Variants in SASH1 observed in about 807,000 individuals in gnomAD.
SASH1 encodes SAM and SH3 domain-containing protein 1.
Under a neutral mutation model 125.2 loss-of-function variants are expected in SASH1, and 44 were observed. The ratio of observed to expected loss-of-function variants is 0.35; its 90% CI spans 0.28 to 0.45. The LOEUF is 0.45. Ranked by LOEUF, SASH1 falls within the 20% of genes least tolerant of loss-of-function variation. The pLI is 1.00. For synonymous variants in SASH1, 639 were observed against 649.1 expected (o/e 0.98, Z 0.24); for missense variants, 1,426 against 1,614.5 (o/e 0.88, Z 2.00).
At chr6:148,421,207 AAGAAAGAAAAAG>A (rs1785083441) in intron 2 of SASH1, among the ~76,000 whole-genome samples, 2 of 139,098 alleles carry the variant, frequency 1.4e-5, no homozygotes, top group Non-Finnish European at 3.3e-5. Context: ...GAAAGAAAGA[AAGAAAGAAAAAG>A]AAAGAAAGAA....
chr6:148,194,861 G>A, the SASH1 span, among the ~76,000 whole-genome samples: 11 of 152,290 alleles, frequency 7.2e-5, no homozygotes, highest in South Asian at 2.1e-4. Flanking sequence ...AGCCGAGATC[G>A]CGCCACTGCA....
chr6:148,317,749 T>A (rs1294854185), intron 1 of SASH1, among the ~76,000 whole-genome samples: 1 of 150,944 alleles, frequency 6.6e-6, no homozygotes, highest in Non-Finnish European at 1.5e-5. Context: ...TTAATGGGAC[T>A]CCCAACATCT....
At chr6:148,339,269 G>A (rs1343821019), upstream of SASH1, among the ~76,000 whole-genome samples, 1 of 151,810 alleles carries the variant, frequency 6.6e-6, no homozygotes, top group Non-Finnish European at 1.5e-5. Context: ...GTCTCAAACT[G>A]CTGACCTCAG....
upstream of SASH1, among the ~76,000 whole-genome samples, chr6:148,340,474 G>C (rs1335781477): frequency 7.0e-6 from 1 of 143,382 alleles, no homozygotes; most frequent in Non-Finnish European, 1.5e-5. Context: ...CAGGGTGACA[G>C]AGCAAGACTC....
At chr6:148,497,588 C>T (rs930332320) in intron 8 of SASH1, among the ~76,000 whole-genome samples, 2 of 152,176 alleles carry the variant, frequency 1.3e-5, no homozygotes, top group African/African-American at 2.4e-5. Flanking sequence ...CTGCCCTTCC[C>T]GTCAACTGTC....
chr6:148,210,626 G>A, the SASH1 span, among the ~76,000 whole-genome samples: 2 of 152,196 alleles, frequency 1.3e-5, no homozygotes, highest in African/African-American at 4.8e-5. Context: ...GAGAGTTGGG[G>A]AATAATTAAA....
intron 2 of SASH1, among the ~76,000 whole-genome samples, chr6:148,414,050 TC>T (rs1784729393): frequency 6.6e-6 from 1 of 152,066 alleles, no homozygotes; most frequent in Non-Finnish European, 1.5e-5. Context: ...CAGGAGCACA[TC>T]AGTAATATTT....
At chr6:148,379,326 G>A (rs776730450) in intron 1 of SASH1, among the ~76,000 whole-genome samples, 1 of 152,122 alleles carries the variant, frequency 6.6e-6, no homozygotes, top group South Asian at 2.1e-4. Flanking sequence ...GGACTCAGAG[G>A]AATTACATTT....
intron 1 of SASH1, among the ~76,000 whole-genome samples, chr6:148,292,866 C>T (rs1009178701): frequency 5.3e-5 from 8 of 152,104 alleles, no homozygotes; most frequent in African/African-American, 1.9e-4. Context: ...GCCTGGCCAA[C>T]ATGACAAAAT....
chr6:148,229,568 T>TA, the SASH1 span, among the ~76,000 whole-genome samples: 19 of 151,432 alleles, frequency 1.3e-4, no homozygotes, highest in South Asian at 8.4e-4. Flanking sequence ...CAAAGCTGTT[T>TA]AAAAAAAAAG....
At chr6:148,429,944 C>G (rs762583495) in intron 2 of SASH1, among the ~76,000 whole-genome samples, 2 of 152,066 alleles carry the variant, frequency 1.3e-5, no homozygotes, top group Non-Finnish European at 2.9e-5. Flanking sequence ...TATTGGAAGG[C>G]CATTTACAGT....
rs546498628 is a variant in SASH1, at chr6:148,398,287, G to T, written c.285+8025G>T. 3.9e-5 allele frequency among the ~76,000 whole-genome samples: 6 copies of T among 152,354 alleles called. No homozygotes were observed. In the East Asian group the frequency reaches 9.6e-4, roughly 24 times the overall value. On this transcript the variant is annotated intron_variant, in intron 2 of 19. Transcript: ENST00000367467. The stretch of plus-strand genomic sequence containing the variant: ...CCATTTTGCAATTGTTGACCGCTGG[G>T]CCAAGGTGAACTTGTTCTTGCTTTG...
chr6:148,278,043 T>C (rs528761203), intron 1 of SASH1, among the ~76,000 whole-genome samples: 36 of 150,856 alleles, frequency 2.4e-4, no homozygotes, highest in Non-Finnish European at 4.4e-4. Flanking sequence ...TGTTTGTTTT[T>C]CTGTTTTGTT....
the SASH1 span, among the ~76,000 whole-genome samples, chr6:148,213,656 A>G: frequency 1.3e-5 from 2 of 150,568 alleles, no homozygotes; most frequent in African/African-American, 4.8e-5. Flanking sequence ...GCTCTTATAA[A>G]CAACCAACTG....
intron 2 of SASH1, among the ~76,000 whole-genome samples, chr6:148,415,633 A>C (rs1164316907): frequency 2.0e-5 from 3 of 152,222 alleles, no homozygotes; most frequent in African/African-American, 7.2e-5. Flanking sequence ...AATAGGTTTG[A>C]ACACATGCTA....
intron 16 of SASH1, among the ~76,000 whole-genome samples, chr6:148,538,469 CAGTG>C (rs1486262750): frequency 2.0e-5 from 3 of 152,250 alleles, no homozygotes; most frequent in Non-Finnish European, 4.4e-5. Flanking sequence ...CTCTTCCACA[CAGTG>C]AGGACACCGC....
chr6:148,391,424 A>T (rs992419189), intron 2 of SASH1, among the ~76,000 whole-genome samples: 2 of 59,632 alleles, frequency 3.4e-5, no homozygotes, highest in East Asian at 2.9e-4. Flanking sequence ...CACTTTTATA[A>T]AAAAAAAAAA....
chr6:148,249,339 T>TGC, the SASH1 span, among the ~76,000 whole-genome samples: 2 of 166 alleles, frequency 0.012, no homozygotes, highest in Non-Finnish European at 0.022. Flanking sequence ...TGTGTGTGTG[T>TGC]GTGTGTGCAT....
chr6:148,420,043 A>G (rs1167277739), intron 2 of SASH1, among the ~76,000 whole-genome samples: 1 of 152,234 alleles, frequency 6.6e-6, no homozygotes, highest in Non-Finnish European at 1.5e-5. Context: ...ACAGTAAAAA[A>G]GAAGTGTGTG....
Sources: allele counts gnomAD v4.1 joint callset (sites outside exome capture counted in the v4.1 genomes callset), GRCh38; gene constraint gnomAD v4.1.1; transcripts MANE v1.5; gene names NCBI Gene and HGNC (gene_info 2026-07-23, HGNC 2026-07-21).